Variants in MBNL1 observed in about 807,000 individuals in gnomAD.
MBNL1 encodes the protein muscleblind-like protein 1.
Under a neutral mutation model 42.2 loss-of-function variants are expected in MBNL1, and 8 were observed. The ratio of observed to expected loss-of-function variants is 0.19; its 90% CI spans 0.11 to 0.34. The LOEUF (loss-of-function observed/expected upper bound fraction) is 0.34, where lower values mean the gene tolerates loss of function less well. Ranked by LOEUF, MBNL1 falls within the 10% of genes least tolerant of loss-of-function variation. The pLI is 1.00. For synonymous variants in MBNL1, 169 were observed against 173.9 expected (o/e 0.97, Z 0.22); for missense variants, 309 against 495.3 (o/e 0.62, Z 3.57).
chr3:152,453,399 A>G (rs1727481315), intron 6 of MBNL1, among the ~76,000 whole-genome samples: 1 of 152,220 alleles, frequency 6.6e-6, no homozygotes, highest in Non-Finnish European at 1.5e-5. Context: ...TGCAATTAAA[A>G]TAACACATTT....
chr3:152,403,637 A>C (rs541036238), intron 2 of MBNL1, among the ~76,000 whole-genome samples: 24 of 152,270 alleles, frequency 1.6e-4, no homozygotes, highest in African/African-American at 5.8e-4. Flanking sequence ...CTAGAAAACC[A>C]GTGGAATTCT....
chr3:152,321,450 G>A (rs1340523051), intron 2 of MBNL1, among the ~76,000 whole-genome samples: 2 of 151,962 alleles, frequency 1.3e-5, no homozygotes, highest in Admixed American at 6.6e-5. Flanking sequence ...TGCAAATAGG[G>A]TGAGTTTTCC....
chr3:152,396,780 TTC>T (rs1299882942), intron 2 of MBNL1, among the ~76,000 whole-genome samples: 1 of 152,188 alleles, frequency 6.6e-6, no homozygotes, highest in African/African-American at 2.4e-5. Flanking sequence ...TAAATTAAGA[TTC>T]TCAAAAAAGT....
chr3:152,390,255 C>T (rs1195845224), intron 2 of MBNL1, among the ~76,000 whole-genome samples: 1 of 149,298 alleles, frequency 6.7e-6, no homozygotes, highest in Non-Finnish European at 1.5e-5. Context: ...TAAGGCTTTT[C>T]TCTATTTTTT....
intron 4 of MBNL1, among the ~76,000 whole-genome samples, chr3:152,434,044 A>G (rs1308482889): frequency 6.6e-6 from 1 of 152,166 alleles, no homozygotes; most frequent in African/African-American, 2.4e-5. Context: ...GGATGAGGCA[A>G]TATATTTTTT....
intron 1 of MBNL1, among the ~76,000 whole-genome samples, chr3:152,272,624 A>G (rs575257237): frequency 6.6e-6 from 1 of 152,106 alleles, no homozygotes. Context: ...TTAATAAAAG[A>G]TTGCTGCATT....
chr3:152,363,406 G>A (rs2096131805), intron 2 of MBNL1, among the ~76,000 whole-genome samples: 1 of 152,086 alleles, frequency 6.6e-6, no homozygotes, highest in African/African-American at 2.4e-5. Flanking sequence ...GGGACTATGT[G>A]CTATGATCAT....
chr3:152,350,611 A>C (rs2094855626), intron 2 of MBNL1, among the ~76,000 whole-genome samples: 1 of 152,110 alleles, frequency 6.6e-6, no homozygotes, highest in Non-Finnish European at 1.5e-5. Context: ...AAATAGGGAA[A>C]TATCAGAGAA....
intron 2 of MBNL1, among the ~76,000 whole-genome samples, chr3:152,245,689 T>A (rs1029122791): frequency 1.5e-4 from 23 of 152,152 alleles, no homozygotes; most frequent in Admixed American, 1.5e-3. Context: ...AGTACCTAGT[T>A]GGTTTTTTGT....
intron 2 of MBNL1, among the ~76,000 whole-genome samples, chr3:152,328,433 A>G (rs1046213849): frequency 2.6e-5 from 4 of 152,112 alleles, no homozygotes; most frequent in African/African-American, 9.7e-5. Context: ...GTAATTCTAA[A>G]CATCTTCTGA....
chr3:152,379,132 G>A (rs1272811781), intron 2 of MBNL1, among the ~76,000 whole-genome samples: 3 of 152,146 alleles, frequency 2.0e-5, no homozygotes, highest in African/African-American at 7.2e-5. Flanking sequence ...TAGATTAGAA[G>A]CAATGGAAAT....
chr3:152,318,386 A>G (rs558238550), intron 2 of MBNL1, among the ~76,000 whole-genome samples: 1 of 152,334 alleles, frequency 6.6e-6, no homozygotes, highest in South Asian at 2.1e-4. Flanking sequence ...ATGTAGCATC[A>G]TTACAAGTTT....
At chr3:152,450,779 C>G (rs1281641336) in intron 6 of MBNL1, among the ~76,000 whole-genome samples, 1 of 152,150 alleles carries the variant, frequency 6.6e-6, no homozygotes, top group Non-Finnish European at 1.5e-5. Context: ...GTTGCTAGGT[C>G]TTATGGTCTT....
chr3:152,335,447 T>C (rs985266981), intron 2 of MBNL1, among the ~76,000 whole-genome samples: 1 of 152,216 alleles, frequency 6.6e-6, no homozygotes, highest in Non-Finnish European at 1.5e-5. Flanking sequence ...GCTTCACTAC[T>C]TGAAATACTA....
At position 152,372,893 on chromosome 3, in the gene MBNL1, C is replaced by T. The variant is rs192856950; in HGVS notation, c.175-42048C>T. On this transcript the variant is annotated intron_variant, in intron 2 of 9. Coordinates refer to ENST00000324210, the MANE Select transcript of MBNL1 (RefSeq NM_021038.5). Reference sequence around the variant, plus strand: ...AACATTTACGTCTGCTGAAGCTGCACCCACAGCCGCCTCTTCCGCCAGGTC... The same window carrying T: ...AACATTTACGTCTGCTGAAGCTGCATCCACAGCCGCCTCTTCCGCCAGGTC... 2.4e-3 allele frequency among the ~76,000 whole-genome samples: 359 copies of T among 152,240 alleles called. 1 individual carries two copies. Among genetic ancestry groups the T allele is most frequent in the African/African-American group, 8.3e-3 (343 of 41,556 alleles).
At chr3:152,263,436 A>G (rs1215051713), upstream of MBNL1, 1 of 152,110 alleles carries the variant, frequency 6.6e-6, no homozygotes, top group Non-Finnish European at 1.5e-5. Context: ...CCCTTCCCTC[A>G]AGTTATGTTA....
chr3:152,439,936 C>G (rs777521237), intron 4 of MBNL1, among the ~76,000 whole-genome samples: 10 of 152,176 alleles, frequency 6.6e-5, no homozygotes, highest in Non-Finnish European at 1.5e-4. Context: ...AAAGTTGTGT[C>G]TATTTTCCTG....
chr3:152,444,805 T>C (rs1430425523), intron 4 of MBNL1, among the ~76,000 whole-genome samples: 1 of 152,208 alleles, frequency 6.6e-6, no homozygotes, highest in African/African-American at 2.4e-5. Context: ...TAGTAAAATA[T>C]CTTTCCATTC....
intron 3 of MBNL1, among the ~76,000 whole-genome samples, chr3:152,423,341 T>G (rs1385296959): frequency 2.0e-5 from 3 of 152,126 alleles, no homozygotes; most frequent in Non-Finnish European, 4.4e-5. Context: ...AAGAAATAGA[T>G]AAATTCCTGG....
Sources: gnomAD v4.1 joint callset for allele counts (sites outside exome capture counted in the v4.1 genomes callset) on GRCh38, gnomAD v4.1.1 for gene constraint, MANE v1.5 for transcripts, NCBI Gene and HGNC (gene_info 2026-07-23, HGNC 2026-07-21) for gene names.